Variants in DMD observed in about 807,000 individuals in gnomAD.
The protein encoded by DMD is dystrophin.
In DMD, 63 loss-of-function variants were observed where a neutral mutation model predicts 330.1. That is an observed-to-expected ratio of 0.19 (90% confidence interval 0.16 to 0.24). The LOEUF is 0.24. Ranked by LOEUF, DMD falls within the 10% of genes least tolerant of loss-of-function variation. DMD has a pLI of 1.00. For synonymous variants in DMD, 1,223 were observed against 959.8 expected, an observed-to-expected ratio of 1.27 and a Z score of -5.07; for missense variants, 3,344 against 2,684.1, an observed-to-expected ratio of 1.25 and a Z score of -5.43.
At chrX:33,271,854 T>C (rs1309902141) in intron 1 of DMD, among the ~76,000 whole-genome samples, 1 of 109,864 alleles carries the variant, frequency 9.1e-6, no homozygotes, top group Non-Finnish European at 1.9e-5. Flanking sequence ...ATAGTGACCA[T>C]GTGAGTGGCA....
chrX:33,173,733 A>G (rs1284301673), intron 1 of DMD, among the ~76,000 whole-genome samples: 1 of 111,130 alleles, frequency 9.0e-6, no homozygotes, highest in Non-Finnish European at 1.9e-5. Flanking sequence ...AAAATATTAC[A>G]AAGAATAAAG....
chrX:31,222,392 C>CAAAAAAAAAAA (rs57227723), intron 64 of DMD, among the ~76,000 whole-genome samples: 6 of 20,625 alleles, frequency 2.9e-4, no homozygotes, highest in Non-Finnish European at 5.2e-4. Context: ...GACTCCATCT[C>CAAAAAAAAAAA]AAAAAAAAAA....
intron 1 of DMD, among the ~76,000 whole-genome samples, chrX:33,273,300 T>A (rs2223523): frequency 0.098 from 10,898 of 111,767 alleles, 436 homozygotes; most frequent in South Asian, 0.21. Flanking sequence ...TTTTATTTTT[T>A]AAAAAAGAAG....
chrX:32,331,318 T>A (rs5927969), intron 41 of DMD, among the ~76,000 whole-genome samples: 2 of 110,264 alleles, frequency 1.8e-5, no homozygotes, highest in East Asian at 5.7e-4. Flanking sequence ...TTCAAGGTTG[T>A]AGCATTCAAA....
At chrX:32,310,054 A>C in intron 42 of DMD, 28 bp downstream of exon 42, 1 of 1,174,513 alleles carries the variant, frequency 8.5e-7, no homozygotes, top group Non-Finnish European at 1.2e-6. Flanking sequence ...CACCTTGTAA[A>C]ATACGAATGA....
intron 7 of DMD, among the ~76,000 whole-genome samples, chrX:32,780,857 C>T (rs978497777): frequency 5.5e-5 from 6 of 108,731 alleles, no homozygotes; most frequent in Non-Finnish European, 9.5e-5. Context: ...TTTCAGAGGC[C>T]GAGGCGGGCA....
At position 31,896,916 on chromosome X, in the gene DMD, C is replaced by CT. The variant is rs765157062; in HGVS notation, c.6913-21544dup. ...CATTTTACAATTTCTTTGCTTTTTT[C>CT]TTTTTTTTTTCTTTTATTATTGTAC... On this transcript the variant is annotated intron_variant, in intron 47 of 78. Coordinates refer to ENST00000357033, the MANE Select transcript of DMD (RefSeq NM_004006.3). Among the ~76,000 whole-genome samples, 489 of 107,077 alleles carry CT rather than the reference C, an allele frequency of 4.6e-3. 3 individuals carry two copies. Among genetic ancestry groups the CT allele is most frequent in the Admixed American group, 8.6e-3 (86 of 10,056 alleles). The allele number at this position is 107,077 out of a possible 115,157, so 93.0% of individuals were successfully genotyped here. A position where few individuals can be genotyped will look rare whatever the true frequency, so the allele number is the denominator to read the frequency against.
chrX:32,712,585 T>C (rs997947883), intron 7 of DMD, among the ~76,000 whole-genome samples: 1 of 111,567 alleles, frequency 9.0e-6, no homozygotes, highest in Non-Finnish European at 1.9e-5. Flanking sequence ...TTAGTTAAGC[T>C]TAATTTTATT....
chrX:31,598,596 A>G (rs943822124), intron 55 of DMD, among the ~76,000 whole-genome samples: 2 of 111,983 alleles, frequency 1.8e-5, no homozygotes, highest in African/African-American at 6.5e-5. Flanking sequence ...ACAACTATAG[A>G]ATAAAACTGA....
intron 57 of DMD, among the ~76,000 whole-genome samples, chrX:31,482,232 T>TGG (rs1288288780): frequency 1.3e-4 from 10 of 78,302 alleles, no homozygotes; most frequent in African/African-American, 7.3e-4. Context: ...TGTGTGTGTG[T>TGG]GTGTGGGGGG....
intron 29 of DMD, among the ~76,000 whole-genome samples, chrX:32,429,180 G>A (rs1211923376): frequency 1.1e-5 from 1 of 93,654 alleles, no homozygotes; most frequent in Non-Finnish European, 2.2e-5. Flanking sequence ...GACTACAGAT[G>A]TATTTTTTTT....
chrX:32,573,663 G>C (rs2052684268), intron 14 of DMD, 26 bp from the exon 15 acceptor site: 1 of 1,198,059 alleles, frequency 8.3e-7, no homozygotes, highest in Non-Finnish European at 1.1e-6. Flanking sequence ...GAATTCCAAG[G>C]AATAAATAAA....
intron 5 of DMD, among the ~76,000 whole-genome samples, chrX:32,819,880 T>C (rs939158355): frequency 4.5e-5 from 5 of 110,116 alleles, no homozygotes; most frequent in Admixed American, 3.9e-4. Context: ...AAACACATTT[T>C]TAGATTCACT....
At chrX:32,327,629 C>G (rs1183008798) in intron 41 of DMD, among the ~76,000 whole-genome samples, 4 of 111,409 alleles carry the variant, frequency 3.6e-5, no homozygotes. Flanking sequence ...GCTTAATGTG[C>G]TCTACTTTAC....
chrX:31,677,666 CAT>C (rs1216609955), intron 53 of DMD, among the ~76,000 whole-genome samples: 4 of 112,019 alleles, frequency 3.6e-5, no homozygotes, highest in Admixed American at 1.9e-4. Context: ...TTAGTGGTAA[CAT>C]GTGTCTCTTG....
At chrX:32,032,551 G>A (rs1400859115) in intron 44 of DMD, among the ~76,000 whole-genome samples, 1 of 111,686 alleles carries the variant, frequency 9.0e-6, no homozygotes, top group Non-Finnish European at 1.9e-5. Context: ...GCGCTTAGAT[G>A]TAAACTACTT....
At chrX:32,051,562 A>G (rs186294001) in intron 44 of DMD, among the ~76,000 whole-genome samples, 3 of 109,905 alleles carry the variant, frequency 2.7e-5, no homozygotes, top group Admixed American at 9.9e-5. Flanking sequence ...GGCAAATAGT[A>G]GACACACTAG....
intron 2 of DMD, among the ~76,000 whole-genome samples, chrX:32,969,027 C>CAAAAAAAAAAA (rs142087164): frequency 9.1e-4 from 18 of 19,825 alleles, no homozygotes; most frequent in Non-Finnish European, 1.4e-3. Flanking sequence ...GATTCTGTCT[C>CAAAAAAAAAAA]AAAAAAAAAA....
rs779997006 is a variant in DMD at position 33,146,663 on chromosome X, A to G, written c.31+64619T>C. Reference sequence around the variant, plus strand: ...CCAGCTCTCACCTGAGTATTGTGTTACTAGTAGAGGGACGTGCTCACAGTC... The same window carrying G: ...CCAGCTCTCACCTGAGTATTGTGTTGCTAGTAGAGGGACGTGCTCACAGTC... On this transcript the variant is annotated intron_variant, in intron 1 of 78. Coordinates refer to ENST00000357033, the MANE Select transcript of DMD (RefSeq NM_004006.3). Among the ~76,000 whole-genome samples, 13 of 111,145 alleles carry G rather than the reference A, an allele frequency of 1.2e-4. No homozygotes were observed. In the East Asian group the frequency reaches 3.7e-3, roughly 32 times the overall value.
Sources: allele counts gnomAD v4.1 joint callset (sites outside exome capture counted in the v4.1 genomes callset), GRCh38; gene constraint gnomAD v4.1.1; transcripts MANE v1.5; gene names NCBI Gene and HGNC (gene_info 2026-07-23, HGNC 2026-07-21).